RNF13: variants seen among roughly 807,000 people sequenced by gnomAD.
The protein encoded by RNF13 is ring finger protein 13, also known as E3 ubiquitin-protein ligase RNF13.
A neutral mutation model predicts 37.7 loss-of-function variants in RNF13; 19 were observed. That is an observed-to-expected ratio of 0.50 (90% CI 0.35 to 0.74). RNF13 has a LOEUF of 0.74. RNF13 is among the 30% of genes least tolerant of loss of function. RNF13 has a pLI of 0.01. For synonymous variants in RNF13, 144 were observed against 157.8 expected (o/e 0.91, Z 0.65); for missense variants, 375 against 453.0 (o/e 0.83, Z 1.56).
intron 8 of RNF13, among the ~76,000 whole-genome samples, chr3:149,949,057 A>G (rs1010918927): frequency 4.8e-4 from 73 of 152,202 alleles, no homozygotes; most frequent in African/African-American, 1.8e-3. Context: ...TACCAGATTT[A>G]TAAGTGATTT....
intron 1 of RNF13, among the ~76,000 whole-genome samples, chr3:149,843,194 T>C (rs1326548492): frequency 4.6e-5 from 7 of 152,170 alleles, no homozygotes; most frequent in Non-Finnish European, 1.0e-4. Flanking sequence ...ATAAGCAATC[T>C]AGAGATGTTT....
At chr3:149,944,211 C>T (rs1300608847) in intron 8 of RNF13, among the ~76,000 whole-genome samples, 1 of 152,204 alleles carries the variant, frequency 6.6e-6, no homozygotes, top group Non-Finnish European at 1.5e-5. Flanking sequence ...TTAATCCAGT[C>T]TATCATTGAT....
chr3:149,952,445 T>TTA (rs1324161085), intron 8 of RNF13, among the ~76,000 whole-genome samples: 1 of 152,096 alleles, frequency 6.6e-6, no homozygotes, highest in Non-Finnish European at 1.5e-5. Context: ...TTAATTTCCT[T>TTA]TATATGTAGG....
chr3:149,846,226 T>A, intron 2 of RNF13, 86 bp downstream of exon 2: 3 of 832,684 alleles, frequency 3.6e-6, no homozygotes, highest in Non-Finnish European at 5.8e-6. Flanking sequence ...TATAAGACAT[T>A]GTTATAAGAC....
In RNF13 at chr3:149,847,891, C is replaced by A. The variant is rs1301967951; in HGVS notation, c.114+1751C>A. Among the ~76,000 whole-genome samples, 4 of 152,148 alleles carry A rather than the reference C, an allele frequency of 2.6e-5. No homozygotes were observed. In the East Asian group the frequency reaches 5.8e-4, roughly 22 times the overall value. ...TTTCATTTATACCCAAGGTGGATTG[C>A]TATTCTGTGGTGGAGCTCCCTGATG... On this transcript the variant is annotated intron_variant, in intron 2 of 9. Transcript: ENST00000392894.
intron 8 of RNF13, among the ~76,000 whole-genome samples, chr3:149,940,490 T>A (rs1300060124): frequency 6.6e-6 from 1 of 152,144 alleles, no homozygotes; most frequent in African/African-American, 2.4e-5. Context: ...GAAGTTTTTA[T>A]TTTACTTTTA....
At chr3:149,831,895 C>T (rs1007292213) in intron 1 of RNF13, among the ~76,000 whole-genome samples, 1 of 152,016 alleles carries the variant, frequency 6.6e-6, no homozygotes, top group Admixed American at 6.6e-5. Flanking sequence ...GCTGAGAACA[C>T]TATTTTGGAG....
At chr3:149,948,224 CA>C (rs1720967077) in intron 8 of RNF13, among the ~76,000 whole-genome samples, 5 of 152,188 alleles carry the variant, frequency 3.3e-5, no homozygotes, top group African/African-American at 1.2e-4. Context: ...GCTGGCATTA[CA>C]GGTGTGAGCC....
intron 1 of RNF13, among the ~76,000 whole-genome samples, chr3:149,816,559 T>G (rs148501192): frequency 3.0e-4 from 45 of 151,720 alleles, no homozygotes; most frequent in Admixed American, 7.9e-4. Flanking sequence ...TTTGAAAGAT[T>G]GTTAGCAGTT....
At chr3:149,871,997 C>G in intron 3 of RNF13, 32 bp from the exon 4 acceptor site, 2 of 1,557,502 alleles carry the variant, frequency 1.3e-6, no homozygotes, top group East Asian at 2.3e-5. Context: ...CTGAGTGAAA[C>G]AGAGAGATAA....
intron 1 of RNF13, among the ~76,000 whole-genome samples, chr3:149,824,003 C>G (rs973940011): frequency 6.6e-6 from 1 of 152,072 alleles, no homozygotes; most frequent in South Asian, 2.1e-4. Context: ...CAAGGCAGGA[C>G]TGGAAAATCT....
At chr3:149,859,908 A>G (rs1190776599) in intron 3 of RNF13, among the ~76,000 whole-genome samples, 1 of 152,130 alleles carries the variant, frequency 6.6e-6, no homozygotes. Flanking sequence ...AAGACCTCAA[A>G]TAACCAAAGA....
chr3:149,958,462 T>C (rs563231395), intron 8 of RNF13, among the ~76,000 whole-genome samples: 1 of 152,186 alleles, frequency 6.6e-6, no homozygotes, highest in Non-Finnish European at 1.5e-5. Context: ...CTTCCACTTT[T>C]CAAAACCCTT....
chr3:149,868,873 G>T lies in RNF13; in HGVS notation c.196-3156G>T, dbSNP rs539549732. On this transcript the variant is annotated intron_variant, in intron 3 of 9. Transcript: ENST00000392894. ...TTGTTCTCTGACCTTCCTGTAGCTG[G>T]TTATTTACATCTTTCTCAAGTTTTG... 8.6e-5 allele frequency among the ~76,000 whole-genome samples: 13 copies of T among 151,718 alleles called. No homozygotes were observed. The South Asian group carries it at 2.7e-3, about 32-fold the overall frequency.
upstream of RNF13, chr3:149,812,781 GC>G (rs1484750057): frequency 6.5e-6 from 1 of 152,810 alleles, no homozygotes; most frequent in Non-Finnish European, 1.5e-5. Flanking sequence ...CCGCCCGGGG[GC>G]AGCCCGGCAG....
intron 4 of RNF13, 59 bp downstream of exon 4, chr3:149,872,213 AT>A: frequency 9.2e-7 from 1 of 1,082,712 alleles, no homozygotes; most frequent in Non-Finnish European, 1.3e-6. Flanking sequence ...AATTTAAATC[AT>A]TTACATCCTC....
At chr3:149,832,832 G>A (rs1226216970) in intron 1 of RNF13, among the ~76,000 whole-genome samples, 1 of 152,020 alleles carries the variant, frequency 6.6e-6, no homozygotes, top group African/African-American at 2.4e-5. Context: ...ACTGAATCAT[G>A]AAAAAATAGA....
intron 5 of RNF13, among the ~76,000 whole-genome samples, chr3:149,897,696 AT>A (rs1379332352): frequency 2.0e-5 from 3 of 152,120 alleles, no homozygotes; most frequent in Non-Finnish European, 1.5e-5. Context: ...GATCTTTACC[AT>A]TTTCATGTTT....
intron 8 of RNF13, among the ~76,000 whole-genome samples, chr3:149,924,608 G>T (rs1718461156): frequency 1.3e-5 from 2 of 152,188 alleles, no homozygotes; most frequent in East Asian, 3.8e-4. Context: ...TGAGAGCTCA[G>T]TATTGACCAC....
Sources: allele counts gnomAD v4.1 joint callset (sites outside exome capture counted in the v4.1 genomes callset), GRCh38; gene constraint gnomAD v4.1.1; transcripts MANE v1.5; gene names NCBI Gene and HGNC (gene_info 2026-07-23, HGNC 2026-07-21).